The following DACH2 variants were observed in gnomAD, a reference collection of about 807,000 sequenced individuals.
DACH2 encodes dachshund family transcription factor 2.
A neutral mutation model predicts 35.8 loss-of-function variants in DACH2; 17 were observed. That is an observed-to-expected ratio of 0.48 (90% confidence interval 0.33 to 0.71). DACH2 has a LOEUF of 0.71. Ranked by LOEUF, DACH2 falls within the 30% of genes least tolerant of loss-of-function variation. The pLI is 0.02. For missense variants in DACH2, 469 were observed against 472.7 expected, an observed-to-expected ratio of 0.99 and a Z score of 0.07; for synonymous variants, 195 against 177.3, an observed-to-expected ratio of 1.10 and a Z score of -0.79.
At chrX:86,818,861 G>A (rs771005869) in intron 11 of DACH2, among the ~76,000 whole-genome samples, 5 of 109,703 alleles carry the variant, frequency 4.6e-5, no homozygotes, top group Non-Finnish European at 9.5e-5. Flanking sequence ...AATTTAAAAG[G>A]CACTTGGAAA....
intron 4 of DACH2, among the ~76,000 whole-genome samples, chrX:86,656,857 G>A (rs12382272): frequency 9.4e-4 from 63 of 66,734 alleles, no homozygotes; most frequent in African/African-American, 3.6e-3. Context: ...GTGTGTGTGT[G>A]TATATATATA....
At position 86,204,196 on chromosome X, in the gene DACH2, T is replaced by A. The variant is rs766177704; in HGVS notation, c.488+55088T>A. ...AAATATAAGCTCCAAGAGGGCAAGA[T>A]CTTTGCCTGCTTTCTTCATTGTTCT... On this transcript the variant is annotated intron_variant, in intron 1 of 11. Transcript: ENST00000373125. Among the ~76,000 whole-genome samples the A allele has an allele frequency of 2.7e-5, 3 of 111,901 alleles. No homozygotes were observed. In the East Asian group the frequency reaches 8.5e-4, roughly 32 times the overall value.
chrX:86,399,480 T>C (rs1291993574), intron 2 of DACH2, among the ~76,000 whole-genome samples: 1 of 111,940 alleles, frequency 8.9e-6, no homozygotes, highest in Admixed American at 9.5e-5. Context: ...CTAGCCTTGA[T>C]GGTCTTTACA....
chrX:86,295,813 TG>T (rs2034441024), intron 1 of DACH2, among the ~76,000 whole-genome samples: 1 of 109,332 alleles, frequency 9.1e-6, no homozygotes, highest in Non-Finnish European at 1.9e-5. Context: ...TTGGGAGGGG[TG>T]GCATCAGAGA....
chrX:86,827,638 G>T, intron 11 of DACH2: 1 of 520,502 alleles, frequency 1.9e-6, no homozygotes, highest in South Asian at 3.2e-5. Context: ...TTCAAATCTT[G>T]AACATATATA....
chrX:86,348,263 G>C (rs1484042994), intron 1 of DACH2, among the ~76,000 whole-genome samples: 3 of 111,793 alleles, frequency 2.7e-5, no homozygotes, highest in African/African-American at 9.7e-5. Flanking sequence ...TTTGTCATTA[G>C]GTTTATGAGT....
intron 1 of DACH2, among the ~76,000 whole-genome samples, chrX:86,350,102 A>G (rs2035568360): frequency 8.9e-6 from 1 of 112,262 alleles, no homozygotes; most frequent in African/African-American, 3.2e-5. Context: ...TGGGAGGCGG[A>G]GGTTGCAGTG....
chrX:86,527,064 G>T (rs1223890958), intron 3 of DACH2, among the ~76,000 whole-genome samples: 1 of 110,858 alleles, frequency 9.0e-6, no homozygotes, highest in African/African-American at 3.3e-5. Flanking sequence ...ATTGAGGTGA[G>T]GGTAAGAAAG....
In DACH2 at chrX:86,410,793, A is replaced by T. The variant is rs7052479; in HGVS notation, c.527+33931A>T. On this transcript the variant is annotated intron_variant, in intron 2 of 11. Transcript: ENST00000373125. ...AGGATGCAAATTACTTATTTCTTTGACCTTTTCCTTTCCCAAGAGATGTCC... is the reference window on the plus strand; with the variant it reads ...AGGATGCAAATTACTTATTTCTTTGTCCTTTTCCTTTCCCAAGAGATGTCC... Among the ~76,000 whole-genome samples the T allele has an allele frequency of 9.3e-3, 998 of 107,742 alleles. 14 individuals are homozygous for T. The highest frequency in any genetic ancestry group is 0.032 in the African/African-American group (953 of 29,584). The allele number at this position is 107,742 out of a possible 115,157, so 93.6% of individuals were successfully genotyped here. A position where few individuals can be genotyped will look rare whatever the true frequency, so the allele number is the denominator to read the frequency against.
At chrX:86,245,676 C>T (rs973817231) in intron 1 of DACH2, among the ~76,000 whole-genome samples, 3 of 111,273 alleles carry the variant, frequency 2.7e-5, no homozygotes, top group African/African-American at 9.8e-5. Context: ...GCAAAAAATC[C>T]CATCCAAAAA....
In DACH2 at chrX:86,667,545, G is replaced by GAAGAAAGAAAGA. The variant is rs367810959; in HGVS notation, c.772+16438_772+16449dup. 1.9e-3 allele frequency among the ~76,000 whole-genome samples: 59 copies of GAAGAAAGAAAGA among 31,358 alleles called. 2 individuals carry two copies. Among genetic ancestry groups the GAAGAAAGAAAGA allele is most frequent in the Middle Eastern group, 0.031 (2 of 64 alleles). The allele number at this position is 31,358 out of a possible 115,157, so 27.2% of individuals were successfully genotyped here. ...AGAAAGAAAGAAAGAAAGAAAGAAA[G>GAAGAAAGAAAGA]AAGAAAGAAAGAAAGAAAGAAAGAA... On this transcript the variant is annotated intron_variant, in intron 4 of 11. Transcript: ENST00000373125.
chrX:86,189,785 A>G (rs919047200), intron 1 of DACH2, among the ~76,000 whole-genome samples: 1 of 111,691 alleles, frequency 9.0e-6, no homozygotes, highest in Non-Finnish European at 1.9e-5. Flanking sequence ...GAAATTTATC[A>G]TCTTGTCATT....
intron 1 of DACH2, among the ~76,000 whole-genome samples, chrX:86,194,842 A>G (rs967113770): frequency 8.9e-6 from 1 of 112,745 alleles, no homozygotes; most frequent in African/African-American, 3.2e-5. Flanking sequence ...TTGGACTTGA[A>G]TTCTGCAAGA....
chrX:86,482,037 A>G (rs1369065901), intron 2 of DACH2, among the ~76,000 whole-genome samples: 20 of 111,954 alleles, frequency 1.8e-4, no homozygotes, highest in African/African-American at 5.8e-4. Flanking sequence ...ACTGGTAAAG[A>G]CTTTAGACAG....
intron 1 of DACH2, among the ~76,000 whole-genome samples, chrX:86,278,786 C>T (rs1292514054): frequency 1.8e-5 from 2 of 111,751 alleles, no homozygotes; most frequent in Non-Finnish European, 3.8e-5. Context: ...AAGCTAAGAT[C>T]CACTGGCTTG....
rs747089535 is a variant in DACH2 at position 86,777,939 on chromosome X, TA to T, written c.1241-34910del. On this transcript the variant is annotated intron_variant, in intron 7 of 11. Transcript: ENST00000373125. The stretch of plus-strand genomic sequence containing the variant: ...AAGTTTTTTAAAGGGGGAATTAAAA[TA>T]AAAAAATATGGATTTGAGTAACCTT... 4.8e-4 allele frequency among the ~76,000 whole-genome samples: 54 copies of T among 111,547 alleles called. No homozygotes were observed. The East Asian group carries it at 0.014, about 29-fold the overall frequency.
At chrX:86,755,761 C>A (rs2041822091) in intron 7 of DACH2, among the ~76,000 whole-genome samples, 1 of 108,671 alleles carries the variant, frequency 9.2e-6, no homozygotes, top group Non-Finnish European at 1.9e-5. Flanking sequence ...CCACACCCGG[C>A]TAATTTTTTG....
At chrX:86,156,929 A>G (rs922438858) in intron 1 of DACH2, among the ~76,000 whole-genome samples, 3 of 111,341 alleles carry the variant, frequency 2.7e-5, no homozygotes, top group Non-Finnish European at 3.8e-5. Flanking sequence ...ATGAAACTCA[A>G]ATTTGCATGA....
At chrX:86,715,726 A>G (rs939842922) in intron 6 of DACH2, among the ~76,000 whole-genome samples, 3 of 111,877 alleles carry the variant, frequency 2.7e-5, no homozygotes, top group Middle Eastern at 9.3e-3. Flanking sequence ...AACAAGACAG[A>G]CTATGATGGA....
Sources: allele counts gnomAD v4.1 joint callset (sites outside exome capture counted in the v4.1 genomes callset), GRCh38; gene constraint gnomAD v4.1.1; transcripts MANE v1.5; gene names NCBI Gene and HGNC (gene_info 2026-07-23, HGNC 2026-07-21).